PLCXD3: variants seen among roughly 807,000 people sequenced by gnomAD.
PLCXD3 encodes phosphatidylinositol specific phospholipase C X domain containing 3.
A neutral mutation model predicts 25.5 loss-of-function variants in PLCXD3; 19 were observed. The observed-to-expected ratio is 0.75, with a 90% CI of 0.52 to 1.09. The LOEUF is 1.09. PLCXD3 is among the 50% of genes least tolerant of loss of function. The pLI, the probability that PLCXD3 is intolerant of heterozygous loss-of-function variation, is 0.00. For synonymous variants in PLCXD3, 174 were observed against 137.6 expected, an observed-to-expected ratio of 1.26 and a Z score of -1.85; for missense variants, 411 against 388.1, an observed-to-expected ratio of 1.06 and a Z score of -0.50.
chr5:41,396,905 C>A (rs534659630), intron 1 of PLCXD3, among the ~76,000 whole-genome samples: 2 of 152,204 alleles, frequency 1.3e-5, no homozygotes, highest in African/African-American at 4.8e-5. Flanking sequence ...GAAGAAATTT[C>A]TAAGCAGCAA....
In PLCXD3 at chr5:41,349,306, A is replaced by G. The variant is rs752916816; in HGVS notation, c.812+32520T>C. On this transcript the variant is annotated intron_variant, in intron 2 of 2. Coordinates refer to ENST00000377801, the MANE Select transcript of PLCXD3 (RefSeq NM_001005473.3). ...TGGCTTTAGGATCAAAGAAGCTATC[A>G]GAAGTTCAAAATTTTATGTCAGGAT... Among the ~76,000 whole-genome samples, 3 of 152,240 alleles carry G rather than the reference A, an allele frequency of 2.0e-5. No homozygotes were observed. In the South Asian group the frequency reaches 6.2e-4, roughly 32 times the overall value.
intron 1 of PLCXD3, among the ~76,000 whole-genome samples, chr5:41,445,984 G>A (rs1427271384): frequency 1.3e-5 from 2 of 151,698 alleles, no homozygotes; most frequent in African/African-American, 2.4e-5. Context: ...TCAGGGGATC[G>A]AGACTATCCT....
At chr5:41,482,448 C>G (rs1235727268) in intron 1 of PLCXD3, among the ~76,000 whole-genome samples, 1 of 152,114 alleles carries the variant, frequency 6.6e-6, no homozygotes, top group Non-Finnish European at 1.5e-5. Flanking sequence ...TGAAAGCTTC[C>G]CATATATTAT....
chr5:41,426,982 T>C (rs1746973269), intron 1 of PLCXD3, among the ~76,000 whole-genome samples: 1 of 152,188 alleles, frequency 6.6e-6, no homozygotes, highest in Non-Finnish European at 1.5e-5. Context: ...ATTTTGAGAA[T>C]TCTGCTAATT....
intron 2 of PLCXD3, among the ~76,000 whole-genome samples, chr5:41,364,474 C>T (rs1479830143): frequency 4.6e-5 from 7 of 152,142 alleles, no homozygotes; most frequent in African/African-American, 1.2e-4. Flanking sequence ...CCAAAGGATA[C>T]GAAATTGTCA....
At chr5:41,413,711 C>T (rs915091666) in intron 1 of PLCXD3, among the ~76,000 whole-genome samples, 1 of 152,054 alleles carries the variant, frequency 6.6e-6, no homozygotes, top group East Asian at 1.9e-4. Flanking sequence ...GGTCATCACA[C>T]TTATGAGGTG....
chr5:41,431,643 A>G (rs1747106018), intron 1 of PLCXD3, among the ~76,000 whole-genome samples: 2 of 152,226 alleles, frequency 1.3e-5, no homozygotes, highest in South Asian at 4.1e-4. Context: ...TAAAAGTAGC[A>G]TAACAAGTCC....
chr5:41,504,705 G>A (rs1051997205), intron 1 of PLCXD3, among the ~76,000 whole-genome samples: 11 of 152,172 alleles, frequency 7.2e-5, no homozygotes, highest in Admixed American at 2.6e-4. Context: ...TATGTCAAAG[G>A]AGCAAAGGTG....
intron 1 of PLCXD3, among the ~76,000 whole-genome samples, chr5:41,461,377 T>G (rs1160788140): frequency 1.3e-5 from 2 of 151,960 alleles, no homozygotes; most frequent in African/African-American, 4.8e-5. Flanking sequence ...CTTAAAAACC[T>G]ATAAAAGGGG....
rs1482003233 is a variant in PLCXD3, at chr5:41,310,238, T to A, written c.*3379A>T. On this transcript the variant is annotated 3_prime_UTR_variant, in exon 3 of 3. Transcript: ENST00000377801. ...GTAAATAGGGAGACATAAATGATAA[T>A]GGCAGAAGAAAAATTTGCTATATTA... 1 of 152,100 alleles carries A rather than the reference T, an allele frequency of 6.6e-6. No individual in the cohort carries two copies. The highest frequency in any genetic ancestry group is 1.5e-5 in the Non-Finnish European group (1 of 67,976). The allele number at this position is 152,100 out of a possible 1,614,324, so 9.4% of individuals were successfully genotyped here.
At chr5:41,402,198 ATTCTT>A (rs1326528318) in intron 1 of PLCXD3, among the ~76,000 whole-genome samples, 25 of 151,580 alleles carry the variant, frequency 1.6e-4, no homozygotes, top group Non-Finnish European at 5.9e-5. Context: ...TTTATACCTT[ATTCTT>A]TTCTAAAATA....
At chr5:41,464,367 G>A (rs1580386000) in intron 1 of PLCXD3, among the ~76,000 whole-genome samples, 1 of 152,136 alleles carries the variant, frequency 6.6e-6, no homozygotes, top group Non-Finnish European at 1.5e-5. Flanking sequence ...AGACAAAAAT[G>A]TACTTACATG....
chr5:41,499,248 A>C (rs918948382), intron 1 of PLCXD3, among the ~76,000 whole-genome samples: 3 of 151,660 alleles, frequency 2.0e-5, no homozygotes, highest in Non-Finnish European at 3.0e-5. Context: ...TATGTAAAAA[A>C]CTAGATTCCA....
chr5:41,473,202 G>A (rs1361358378), intron 1 of PLCXD3, among the ~76,000 whole-genome samples: 3 of 152,026 alleles, frequency 2.0e-5, no homozygotes, highest in South Asian at 2.1e-4. Flanking sequence ...GCAGATAATT[G>A]AGGATTAACA....
intron 1 of PLCXD3, among the ~76,000 whole-genome samples, chr5:41,435,207 A>G (rs1490036762): frequency 6.6e-6 from 1 of 152,184 alleles, no homozygotes; most frequent in East Asian, 1.9e-4. Flanking sequence ...CATTTCTCCA[A>G]TTCAAAAAAT....
At chr5:41,492,210 A>C (rs1478478103) in intron 1 of PLCXD3, among the ~76,000 whole-genome samples, 3 of 152,168 alleles carry the variant, frequency 2.0e-5, no homozygotes, top group African/African-American at 4.8e-5. Flanking sequence ...GTTTGGCTGG[A>C]TATGAAATTC....
intron 1 of PLCXD3, among the ~76,000 whole-genome samples, chr5:41,422,655 C>T (rs1399954952): frequency 6.6e-6 from 1 of 152,184 alleles, no homozygotes; most frequent in Non-Finnish European, 1.5e-5. Flanking sequence ...CTCTTCATTT[C>T]CTCAGATCTT....
Position 41,468,408 on chromosome 5 carries a change from A to G in PLCXD3, c.103+42016T>C, listed in dbSNP as rs6886534. On this transcript the variant is annotated intron_variant, in intron 1 of 2. Transcript: ENST00000377801. ...TTAAGGACATTTCTCCATTTCTATG[A>G]AAAATCACATGGAAACTTTGATGAG... is the stretch of plus-strand genomic sequence containing the variant. Among the ~76,000 whole-genome samples, 1,257 of 152,230 alleles carry G rather than the reference A, an allele frequency of 8.3e-3. 18 individuals are homozygous for G. The highest frequency in any genetic ancestry group is 0.029 in the African/African-American group (1,198 of 41,534).
At position 41,448,437 on chromosome 5, in the gene PLCXD3, G is replaced by A. The variant is rs371821325; in HGVS notation, c.103+61987C>T. Among the ~76,000 whole-genome samples, 5 of 152,154 alleles carry A rather than the reference G, an allele frequency of 3.3e-5. 1 individual carries two copies. Among genetic ancestry groups the A allele is most frequent in the East Asian group, 3.9e-4 (2 of 5,194 alleles). ...ATGCCTCGGAAATTGGTGCCAATTA[G>A]GTTTTCCAAAAGTAACTAAGAAAAT... On this transcript the variant is annotated intron_variant, in intron 1 of 2. Coordinates refer to ENST00000377801, the MANE Select transcript of PLCXD3 (RefSeq NM_001005473.3).
Sources: gnomAD v4.1 joint callset for allele counts (sites outside exome capture counted in the v4.1 genomes callset) on GRCh38, gnomAD v4.1.1 for gene constraint, MANE v1.5 for transcripts, NCBI Gene and HGNC (gene_info 2026-07-23, HGNC 2026-07-21) for gene names.